The following AGMO variants were observed in gnomAD, a reference collection of about 807,000 sequenced individuals.
The protein encoded by AGMO is alkylglycerol monooxygenase.
Under a neutral mutation model 60.2 loss-of-function variants are expected in AGMO, and 75 were observed. The ratio of observed to expected loss-of-function variants is 1.25; its 90% CI spans 1.03 to 1.51. AGMO has a LOEUF of 1.51. Among genes scored for constraint, AGMO ranks in the 40% most tolerant of loss-of-function variants. AGMO has a pLI of 0.00. For missense variants in AGMO, 763 were observed against 525.5 expected, an observed-to-expected ratio of 1.45 and a Z score of -4.42; for synonymous variants, 261 against 177.1, an observed-to-expected ratio of 1.47 and a Z score of -3.76.
chr7:15,183,758 A>G, the AGMO span, among the ~76,000 whole-genome samples: 5 of 152,226 alleles, frequency 3.3e-5, no homozygotes, highest in Non-Finnish European at 7.3e-5. Context: ...TCACCTTTTA[A>G]GGTCAAACTG....
At chr7:15,448,802 A>G (rs370643912) in intron 3 of AGMO, among the ~76,000 whole-genome samples, 2 of 152,332 alleles carry the variant, frequency 1.3e-5, no homozygotes, top group African/African-American at 4.8e-5. Context: ...AGGTGGTTTG[A>G]AGGTGAGAGA....
In AGMO at chr7:15,356,249, T is replaced by C. The variant is rs140089253; in HGVS notation, c.1263+9265A>G. Among the ~76,000 whole-genome samples the C allele has an allele frequency of 9.9e-5, 15 of 152,236 alleles. No individual in the cohort carries two copies. The East Asian group carries it at 2.7e-3, about 27-fold the overall frequency. On this transcript the variant is annotated intron_variant, in intron 12 of 12. Transcript: ENST00000342526. ...ATACATGCAATGTGCACTAGATGTG[T>C]AGATGAATTTTTATTGCAGCATTGC...
At chr7:15,149,372 C>T in the AGMO span, among the ~76,000 whole-genome samples, 1 of 152,048 alleles carries the variant, frequency 6.6e-6, no homozygotes, top group Non-Finnish European at 1.5e-5. Context: ...TTGGAGACTT[C>T]ACCATGAAAT....
intron 12 of AGMO, among the ~76,000 whole-genome samples, chr7:15,347,766 T>C (rs931934360): frequency 1.3e-5 from 2 of 152,042 alleles, no homozygotes; most frequent in African/African-American, 2.4e-5. Context: ...AAGCAAAGTA[T>C]AGACAAGTGT....
Position 15,390,925 on chromosome 7 carries a change from A to C in AGMO, c.677-20T>G, listed in dbSNP as rs190786265. On this transcript the variant is annotated intron_variant, in intron 6 of 12. Transcript: ENST00000342526. ...TTCTGCCTATGAGACAAAATATTAG[A>C]AATTTTTTTTCAGAAAAATAGTTAT... 1,296 of 1,517,886 alleles carry C rather than the reference A, an allele frequency of 8.5e-4. 14 individuals carry two copies. The African/African-American group carries it at 0.017, about 20-fold the overall frequency. The allele number at this position is 1,517,886 out of a possible 1,614,324, so 94.0% of individuals were successfully genotyped here.
At chr7:15,406,252 C>T (rs543193669) in intron 5 of AGMO, among the ~76,000 whole-genome samples, 83 of 141,448 alleles carry the variant, frequency 5.9e-4, no homozygotes, top group Non-Finnish European at 7.3e-4. Context: ...CACACACACA[C>T]GTATATTCCA....
chr7:15,422,160 G>A (rs1037774647), intron 4 of AGMO, among the ~76,000 whole-genome samples: 3 of 152,092 alleles, frequency 2.0e-5, no homozygotes, highest in African/African-American at 4.8e-5. Flanking sequence ...ATCAGCCAGA[G>A]GAGGTAACAA....
At chr7:15,394,003 A>G (rs1417992017) in intron 6 of AGMO, 110 bp downstream of exon 6, 1 of 569,986 alleles carries the variant, frequency 1.8e-6, no homozygotes, top group Non-Finnish European at 2.8e-6. Flanking sequence ...ATTTATTTGT[A>G]AAATGTGTGC....
chr7:15,376,721 C>T (rs897225173), intron 10 of AGMO, among the ~76,000 whole-genome samples: 1 of 152,020 alleles, frequency 6.6e-6, no homozygotes, highest in Non-Finnish European at 1.5e-5. Context: ...ACATATTATA[C>T]ATATTTTTAT....
intron 10 of AGMO, among the ~76,000 whole-genome samples, chr7:15,373,175 G>C (rs1218766258): frequency 2.6e-5 from 4 of 151,966 alleles, no homozygotes; most frequent in Non-Finnish European, 5.9e-5. Context: ...CTACTTGGGA[G>C]GTTAAGGCAC....
At chr7:15,165,694 A>G in the AGMO span, among the ~76,000 whole-genome samples, 3 of 152,178 alleles carry the variant, frequency 2.0e-5, no homozygotes, top group African/African-American at 7.2e-5. Context: ...TGTTACTTAA[A>G]TGAATATGAC....
At chr7:15,218,287 G>C (rs1781805784) in intron 12 of AGMO, among the ~76,000 whole-genome samples, 1 of 151,298 alleles carries the variant, frequency 6.6e-6, no homozygotes, top group African/African-American at 2.4e-5. Flanking sequence ...TCCTTCAGAG[G>C]AATGAGAGAC....
At chr7:15,386,688 T>A (rs146422987) in intron 9 of AGMO, among the ~76,000 whole-genome samples, 1 of 152,192 alleles carries the variant, frequency 6.6e-6, no homozygotes, top group East Asian at 1.9e-4. Flanking sequence ...TTTGTACACA[T>A]AGTATCATCC....
chr7:15,352,650 A>T (rs1176616639), intron 12 of AGMO, among the ~76,000 whole-genome samples: 1 of 151,710 alleles, frequency 6.6e-6, no homozygotes, highest in Non-Finnish European at 1.5e-5. Context: ...TGGTAGGGAA[A>T]CCAGCTTACA....
At chr7:15,270,327 TGAG>T (rs1335438652) in intron 12 of AGMO, among the ~76,000 whole-genome samples, 14 of 152,058 alleles carry the variant, frequency 9.2e-5, no homozygotes, top group African/African-American at 3.4e-4. Flanking sequence ...CTGAATGGTA[TGAG>T]ATGATATCAT....
intron 12 of AGMO, among the ~76,000 whole-genome samples, chr7:15,335,861 C>A (rs567791836): frequency 1.4e-4 from 22 of 152,238 alleles, no homozygotes; most frequent in African/African-American, 5.1e-4. Context: ...TAAATGTAGT[C>A]TTCGTGTTAT....
At chr7:15,126,386 A>T in the AGMO span, among the ~76,000 whole-genome samples, 28 of 152,130 alleles carry the variant, frequency 1.8e-4, no homozygotes, top group African/African-American at 6.8e-4. Context: ...ATTATTGGCT[A>T]AAAACTATTA....
chr7:15,118,048 A>G, the AGMO span, among the ~76,000 whole-genome samples: 1 of 151,948 alleles, frequency 6.6e-6, no homozygotes, highest in Non-Finnish European at 1.5e-5. Context: ...TTCTTATTGC[A>G]AACATAATTT....
chr7:15,389,926 T>C (rs1181504345), intron 8 of AGMO, among the ~76,000 whole-genome samples: 1 of 152,198 alleles, frequency 6.6e-6, no homozygotes, highest in South Asian at 2.1e-4. Context: ...CTGGAAAAGC[T>C]GACCCAACAT....
Sources: allele counts gnomAD v4.1 joint callset (sites outside exome capture counted in the v4.1 genomes callset), GRCh38; gene constraint gnomAD v4.1.1; transcripts MANE v1.5; gene names NCBI Gene and HGNC (gene_info 2026-07-23, HGNC 2026-07-21).